RYR2: variants seen among roughly 807,000 people sequenced by gnomAD.
The protein encoded by RYR2 is cardiac muscle ryanodine receptor-calcium release channel.
RYR2 carries 227 observed loss-of-function variants against 601.1 expected under a neutral mutation model. The observed-to-expected ratio is 0.38, with a 90% CI of 0.34 to 0.42. The LOEUF (loss-of-function observed/expected upper bound fraction) is 0.42, where lower values mean the gene tolerates loss of function less well. Ranked by LOEUF, RYR2 falls within the 10% of genes least tolerant of loss-of-function variation. RYR2 has a pLI of 1.00. For missense variants in RYR2, 4,646 were observed against 6,156.5 expected (o/e 0.75, Z 8.21); for synonymous variants, 2,223 against 2,175.1 (o/e 1.02, Z -0.61).
intron 12 of RYR2, among the ~76,000 whole-genome samples, chr1:237,437,204 T>C (rs7549654): frequency 0.72 from 108,813 of 150,916 alleles, 39,546 homozygotes; most frequent in East Asian, 0.8. Flanking sequence ...GCCACCACGC[T>C]CAGCTAATTT....
chr1:237,054,819 G>C (rs1009391406), intron 1 of RYR2, among the ~76,000 whole-genome samples: 1 of 152,174 alleles, frequency 6.6e-6, no homozygotes, highest in African/African-American at 2.4e-5. Context: ...TGCTGAATTT[G>C]GGTGGGGAGG....
At chr1:237,190,613 A>T (rs1180984122) in intron 1 of RYR2, among the ~76,000 whole-genome samples, 1 of 152,226 alleles carries the variant, frequency 6.6e-6, no homozygotes, top group African/African-American at 2.4e-5. Context: ...AACAATAAAA[A>T]ATACAAATAA....
At chr1:237,531,442 G>A (rs1161123474) in intron 25 of RYR2, among the ~76,000 whole-genome samples, 6 of 152,144 alleles carry the variant, frequency 3.9e-5, no homozygotes, top group Non-Finnish European at 8.8e-5. Context: ...TTAAACTTAA[G>A]TATTCAAGCT....
At chr1:237,313,994 G>A (rs374833356) in intron 2 of RYR2, among the ~76,000 whole-genome samples, 5 of 95,700 alleles carry the variant, frequency 5.2e-5, no homozygotes, top group South Asian at 3.4e-4. Flanking sequence ...CATGAATAAC[G>A]TAATGGCAGA....
intron 66 of RYR2, among the ~76,000 whole-genome samples, chr1:237,703,514 C>T (rs1322657712): frequency 6.7e-6 from 1 of 149,962 alleles, no homozygotes; most frequent in Non-Finnish European, 1.5e-5. Context: ...AAATGATTAA[C>T]CTCTTGCCTA....
chr1:237,050,055 A>G (rs1019309849), intron 1 of RYR2, among the ~76,000 whole-genome samples: 1 of 152,140 alleles, frequency 6.6e-6, no homozygotes, highest in African/African-American at 2.4e-5. Flanking sequence ...TGGAAGTCCA[A>G]GGCATTCCCT....
intron 62 of RYR2, among the ~76,000 whole-genome samples, chr1:237,686,557 G>A (rs963809113): frequency 6.6e-6 from 1 of 152,188 alleles, no homozygotes; most frequent in African/African-American, 2.4e-5. Flanking sequence ...ATGGAAATGA[G>A]TGAAGGGTAT....
chr1:237,166,046 A>G (rs1295560301), intron 1 of RYR2, among the ~76,000 whole-genome samples: 1 of 152,130 alleles, frequency 6.6e-6, no homozygotes, highest in Non-Finnish European at 1.5e-5. Context: ...AAAACTTTAA[A>G]GTGAAAAACT....
intron 1 of RYR2, among the ~76,000 whole-genome samples, chr1:237,055,595 C>G (rs1418561670): frequency 6.6e-6 from 1 of 152,174 alleles, no homozygotes; most frequent in East Asian, 1.9e-4. Context: ...AAAGACAAAG[C>G]TGAGCTTCAG....
intron 2 of RYR2, among the ~76,000 whole-genome samples, chr1:237,325,627 G>T (rs1370494922): frequency 6.6e-6 from 1 of 152,104 alleles, no homozygotes; most frequent in East Asian, 1.9e-4. Context: ...GGAGGAGCTT[G>T]CAGTGAGCCG....
chr1:237,354,989 G>T (rs1370759880), intron 3 of RYR2, among the ~76,000 whole-genome samples: 1 of 152,098 alleles, frequency 6.6e-6, no homozygotes, highest in Non-Finnish European at 1.5e-5. Flanking sequence ...CACTCTGTAT[G>T]TTGCTTTTTA....
At chr1:237,729,128 A>G (rs778734948) in intron 76 of RYR2, among the ~76,000 whole-genome samples, 12 of 152,038 alleles carry the variant, frequency 7.9e-5, no homozygotes, top group Admixed American at 6.6e-5. Context: ...AGTTGATGGC[A>G]GTGGTTTCTG....
intron 2 of RYR2, among the ~76,000 whole-genome samples, chr1:237,276,048 C>T (rs192644581): frequency 1.6e-4 from 25 of 152,200 alleles, no homozygotes; most frequent in Admixed American, 7.2e-4. Context: ...TGGGATATAG[C>T]TAAAGAAGTT....
intron 2 of RYR2, among the ~76,000 whole-genome samples, chr1:237,297,130 C>T (rs1017595731): frequency 1.3e-5 from 2 of 151,734 alleles, no homozygotes; most frequent in African/African-American, 2.4e-5. Context: ...AAAAAGCAAA[C>T]GATAAAAGTA....
intron 57 of RYR2, among the ~76,000 whole-genome samples, 166 bp downstream of exon 57, chr1:237,666,755 A>C (rs1337926883): frequency 6.6e-6 from 1 of 152,064 alleles, no homozygotes; most frequent in East Asian, 1.9e-4. Context: ...AATGCTATCA[A>C]AATTGATAGC....
intron 24 of RYR2, among the ~76,000 whole-genome samples, chr1:237,520,477 CT>C (rs1230278272): frequency 6.6e-6 from 1 of 152,160 alleles, no homozygotes; most frequent in Admixed American, 6.5e-5. Flanking sequence ...AGGTATGCTC[CT>C]TCTATCCCTT....
intron 87 of RYR2, among the ~76,000 whole-genome samples, chr1:237,774,985 G>T (rs1694543094): frequency 2.4e-5 from 2 of 84,598 alleles, no homozygotes; most frequent in African/African-American, 1.4e-4. Context: ...AAAACTCTAG[G>T]GTGTTGTCAT....
chr1:237,692,702 C>T (rs1270710343), intron 63 of RYR2, among the ~76,000 whole-genome samples: 2 of 152,176 alleles, frequency 1.3e-5, no homozygotes, highest in Non-Finnish European at 2.9e-5. Context: ...TTACTCATCT[C>T]CTCAATCCTT....
intron 11 of RYR2, 137 bp from the exon 12 acceptor site, chr1:237,422,955 A>G: frequency 1.1e-6 from 1 of 946,502 alleles, no homozygotes; most frequent in Non-Finnish European, 1.5e-6. Context: ...AAATGAAATT[A>G]ATATCACTAA....
Sources: allele counts gnomAD v4.1 joint callset (sites outside exome capture counted in the v4.1 genomes callset), GRCh38; gene constraint gnomAD v4.1.1; transcripts MANE v1.5; gene names NCBI Gene and HGNC (gene_info 2026-07-23, HGNC 2026-07-21).